Variants in GHR observed in about 807,000 individuals in gnomAD.
GHR encodes growth hormone receptor, also known as GH receptor.
GHR carries 35 observed loss-of-function variants against 67.1 expected under a neutral mutation model. The ratio of observed to expected loss-of-function variants is 0.52; its 90% CI spans 0.40 to 0.69. The LOEUF is 0.69. GHR is among the 30% of genes least tolerant of loss of function. The pLI is 0.00. For missense variants in GHR, 792 were observed against 764.6 expected (o/e 1.04, Z -0.42); for synonymous variants, 272 against 269.1 (o/e 1.01, Z -0.10).
intron 1 of GHR, among the ~76,000 whole-genome samples, chr5:42,437,037 T>C (rs1000242869): frequency 6.6e-5 from 10 of 152,346 alleles, no homozygotes; most frequent in African/African-American, 2.4e-4. Flanking sequence ...CTAGAGTTAG[T>C]ATCTAATAAC....
chr5:42,709,081 C>T (rs1338814140), intron 6 of GHR, among the ~76,000 whole-genome samples: 4 of 152,084 alleles, frequency 2.6e-5, no homozygotes, highest in African/African-American at 4.8e-5. Flanking sequence ...TAGTGTGTGT[C>T]GCTTGCATCA....
Position 42,637,704 on chromosome 5 carries a change from T to C in GHR, c.136+8601T>C, listed in dbSNP as rs145529183. 1.6e-3 allele frequency among the ~76,000 whole-genome samples: 249 copies of C among 152,276 alleles called. 2 individuals are homozygous for C. Among genetic ancestry groups the C allele is most frequent in the African/African-American group, 5.9e-3 (243 of 41,536 alleles). On this transcript the variant is annotated intron_variant, in intron 3 of 9. Coordinates refer to ENST00000230882, the MANE Select transcript of GHR (RefSeq NM_000163.5). ...CACATTTTCTTTATCCAGTCCACCA[T>C]CAATGCGCATCTAGGTTGATTTTAT...
Position 42,718,478 on chromosome 5 carries a change from C to T in GHR, c.971C>T (p.Thr324Ile). The change falls in exon 10 of 10, where the codon ACA (threonine) becomes ATA (isoleucine). Residue 324 changes from threonine (T) to isoleucine (I), a missense_variant. Coordinates refer to ENST00000230882, the MANE Select transcript of GHR (RefSeq NM_000163.5). ...GAAGGAAAATTAGAGGAGGTGAACA[C>T]AATCTTAGCCATTCATGATAGCTAT... ...LKEGKLEEVNTILAIHDSYKP... is the reference protein window; with the variant it reads ...LKEGKLEEVNIILAIHDSYKP... The T allele has an allele frequency of 6.2e-7, 1 of 1,610,436 alleles. No homozygotes were observed. The highest frequency in any genetic ancestry group is 8.5e-7 in the Non-Finnish European group (1 of 1,176,736).
intron 3 of GHR, among the ~76,000 whole-genome samples, chr5:42,687,289 T>G (rs1459930786): frequency 1.3e-5 from 2 of 152,180 alleles, no homozygotes; most frequent in African/African-American, 4.8e-5. Context: ...AAACTACCAT[T>G]GACTTTCTTC....
At chr5:42,701,953 G>A (rs547458751) in intron 6 of GHR, among the ~76,000 whole-genome samples, 2 of 151,808 alleles carry the variant, frequency 1.3e-5, no homozygotes, top group South Asian at 4.2e-4. Context: ...AAATTTTTTT[G>A]TATATTTATT....
In GHR at chr5:42,445,368, G is replaced by A. The variant is rs1041745637; in HGVS notation, c.-12+21413G>A. ...ACAAATAGAAAAATGAATCAATCAC[G>A]AGTCAGATTTATTGATGGAATTGTG... On this transcript the variant is annotated intron_variant, in intron 1 of 9. Coordinates refer to ENST00000230882, the MANE Select transcript of GHR (RefSeq NM_000163.5). 3.3e-5 allele frequency among the ~76,000 whole-genome samples: 5 copies of A among 152,118 alleles called. No homozygotes were observed. In the East Asian group the frequency reaches 5.8e-4, roughly 18 times the overall value.
In GHR at chr5:42,718,093, T is replaced by A. The variant is rs2093343675; in HGVS notation, c.917T>A (p.Ile306Asn). 6.3e-7 allele frequency: 1 copy of A among 1,577,734 alleles called. No homozygotes were observed. The highest frequency in any genetic ancestry group is 1.1e-5 in the South Asian group (1 of 90,350). Reference sequence around the variant, plus strand: ...CTGCCCCCAGTTCCAGTTCCAAAGATTAAAGGAATCGATCCAGATCTCCTC... The same window carrying A: ...CTGCCCCCAGTTCCAGTTCCAAAGAATAAAGGAATCGATCCAGATCTCCTC... Reference protein sequence around the residue: ...LILPPVPVPKIKGIDPDLLKE... With the variant: ...LILPPVPVPKNKGIDPDLLKE... Residue 306 changes from isoleucine to asparagine, a missense_variant, in exon 9 of 10, where the codon ATT becomes AAT. By Grantham distance (149) the Ile-to-Asn change is moderately radical. Coordinates refer to ENST00000230882, the MANE Select transcript of GHR (RefSeq NM_000163.5).
At position 42,424,411 on chromosome 5, in the gene GHR, C is replaced by T; in HGVS notation, c.-12+456C>T. On this transcript the variant is annotated intron_variant, in intron 1 of 9. Transcript: ENST00000230882. The surrounding 1 kb of genome is among the most constrained non-coding windows in gnomAD (Gnocchi z 4.1). ...CTGGCTGCGGCAGGAACTGCCGAGGCTGCTGCTGTTGCGCGGGGAAGAATC... is the reference window on the plus strand; with the variant it reads ...CTGGCTGCGGCAGGAACTGCCGAGGTTGCTGCTGTTGCGCGGGGAAGAATC... The T allele has an allele frequency of 1.6e-6, 1 of 609,292 alleles. No homozygotes were observed. Among genetic ancestry groups the T allele is most frequent in the South Asian group, 1.9e-5 (1 of 52,070 alleles). The allele number at this position is 609,292 out of a possible 1,614,324, so 37.7% of individuals were successfully genotyped here. A position where few individuals can be genotyped will look rare whatever the true frequency, so the allele number is the denominator to read the frequency against.
intron 9 of GHR, 144 bp downstream of exon 9, chr5:42,718,265 T>A (rs1034990736): frequency 2.8e-6 from 2 of 718,460 alleles, no homozygotes; most frequent in Non-Finnish European, 4.7e-6. Flanking sequence ...TTTTTAAATA[T>A]TCTATTTCTT....
intron 2 of GHR, among the ~76,000 whole-genome samples, chr5:42,575,895 A>G (rs1020178654): frequency 2.6e-5 from 4 of 151,272 alleles, no homozygotes; most frequent in Admixed American, 6.6e-5. Flanking sequence ...TTAGCTGGGC[A>G]GGGTGGCGGG....
At chr5:42,697,873 C>A (rs2111726298) in intron 5 of GHR, among the ~76,000 whole-genome samples, 1 of 152,128 alleles carries the variant, frequency 6.6e-6, no homozygotes, top group Admixed American at 6.5e-5. Context: ...AGTGGGGAGA[C>A]AAATGAAGCA....
Position 42,629,085 on chromosome 5 carries a change from A to C in GHR, c.118A>C (p.Asn40His). The C allele has an allele frequency of 1.4e-6, 2 of 1,381,724 alleles. No individual in the cohort carries two copies. Among genetic ancestry groups the C allele is most frequent in the Non-Finnish European group, 2.0e-6 (2 of 999,030 alleles). The allele number at this position is 1,381,724 out of a possible 1,614,324, so 85.6% of individuals were successfully genotyped here. ...AGCACCCTGGAGTCTGCAAAGTGTT[A>C]ATCCAGGCCTAAAGACAAGTAAGAA... ...SRAPWSLQSV[N>H]PGLKTNSSKE... is the part of the protein sequence containing the mutation. Residue 40 changes from asparagine (N) to histidine (H), a missense_variant, in exon 3 of 10, where the codon AAT becomes CAT. By Grantham distance (68) the Asn-to-His change is moderately conservative. Coordinates refer to ENST00000230882, the MANE Select transcript of GHR (RefSeq NM_000163.5).
chr5:42,615,148 C>T (rs569253342), intron 2 of GHR, among the ~76,000 whole-genome samples: 2 of 151,632 alleles, frequency 1.3e-5, no homozygotes, highest in South Asian at 2.1e-4. Flanking sequence ...CTGCTTCCGA[C>T]GAAATTTAAA....
Position 42,576,108 on chromosome 5 carries a change from TAA to T in GHR, c.70+10167_70+10168del, listed in dbSNP as rs1230448848. ...ATAAAATAAAATAAAATAAATAAAATAAAATAAAATAAAATAAAATAAAATAA... is the reference window on the plus strand; with the variant it reads ...ATAAAATAAAATAAAATAAATAAAATAATAAAATAAAATAAAATAAAATAA... On this transcript the variant is annotated intron_variant, in intron 2 of 9. Coordinates refer to ENST00000230882, the MANE Select transcript of GHR (RefSeq NM_000163.5). Among the ~76,000 whole-genome samples the T allele has an allele frequency of 3.2e-3, 246 of 76,416 alleles. 11 individuals are homozygous for T. The highest frequency in any genetic ancestry group is 0.015 in the African/African-American group (229 of 15,428). The allele number at this position is 76,416 out of a possible 152,430, so 50.1% of individuals were successfully genotyped here.
chr5:42,463,850 G>A (rs573779328), intron 1 of GHR, among the ~76,000 whole-genome samples: 2 of 150,490 alleles, frequency 1.3e-5, no homozygotes, highest in South Asian at 2.1e-4. Flanking sequence ...AAAATTAGCC[G>A]GGCGTAGTGG....
chr5:42,543,050 G>A (rs1328338681), intron 1 of GHR, among the ~76,000 whole-genome samples: 1 of 152,018 alleles, frequency 6.6e-6, no homozygotes, highest in East Asian at 1.9e-4. Flanking sequence ...GGGCATTTAA[G>A]TTGTTTCTAC....
intron 1 of GHR, among the ~76,000 whole-genome samples, chr5:42,454,079 C>A (rs1440959456): frequency 6.6e-6 from 1 of 152,180 alleles, no homozygotes; most frequent in African/African-American, 2.4e-5. Context: ...CTGGGTCTAG[C>A]CACCCAATGG....
intron 1 of GHR, among the ~76,000 whole-genome samples, chr5:42,474,295 G>GAGAAAGAAAGAAAGAAAA (rs1554054586): frequency 1.2e-5 from 1 of 81,070 alleles, no homozygotes; most frequent in Non-Finnish European, 2.4e-5. Flanking sequence ...AAAAGAGAAA[G>GAGAAAGAAAGAAAGAAAA]AGAAAGAAAG....
In GHR at chr5:42,713,480, C is replaced by T; in HGVS notation, c.836C>T (p.Thr279Ile). 1 of 1,502,996 alleles carries T rather than the reference C, an allele frequency of 6.7e-7. No homozygotes were observed. 93.1% of individuals were successfully genotyped at this position (1,502,996 alleles called of 1,614,324 possible). ...LIIIFGIFGLTVMLFVFLFSK... is the reference protein window; with the variant it reads ...LIIIFGIFGLIVMLFVFLFSK... The stretch of plus-strand genomic sequence containing the variant: ...ATTATCTTTGGAATATTTGGGCTAA[C>T]AGTGATGCTATTTGTATTCTTATTT... Residue 279 changes from threonine (T) to isoleucine (I), a missense_variant, in exon 8 of 10, where the codon ACA becomes ATA. By Grantham distance (89) the Thr-to-Ile change is moderately conservative. Coordinates refer to ENST00000230882, the MANE Select transcript of GHR (RefSeq NM_000163.5).
Sources: gnomAD v4.1 joint callset for allele counts (sites outside exome capture counted in the v4.1 genomes callset) on GRCh38, gnomAD v4.1.1 for gene constraint, Gnocchi (gnomAD v3.1) non-coding constraint, MANE v1.5 for transcripts, NCBI Gene and HGNC (gene_info 2026-07-23, HGNC 2026-07-21) for gene names.